Variants in OPHN1 observed in about 807,000 individuals in gnomAD.
OPHN1 encodes oligophrenin-1.
A neutral mutation model predicts 60.7 loss-of-function variants in OPHN1; 11 were observed. The observed-to-expected ratio is 0.18, with a 90% CI of 0.11 to 0.30. OPHN1 has a LOEUF of 0.30. Ranked by LOEUF, OPHN1 falls within the 10% of genes least tolerant of loss-of-function variation. The pLI, the probability that OPHN1 is intolerant of heterozygous loss-of-function variation, is 1.00. For synonymous variants in OPHN1, 226 were observed against 222.6 expected (o/e 1.02, Z -0.14); for missense variants, 449 against 611.0 (o/e 0.73, Z 2.80).
At chrX:68,267,657 A>G (rs761204868) in intron 5 of OPHN1, among the ~76,000 whole-genome samples, 1 of 112,443 alleles carries the variant, frequency 8.9e-6, no homozygotes, top group East Asian at 2.8e-4. Flanking sequence ...AAGCCAGCAG[A>G]AGGCAACAAA....
chrX:68,259,830 C>T (rs934806918), intron 5 of OPHN1, among the ~76,000 whole-genome samples: 5 of 111,084 alleles, frequency 4.5e-5, no homozygotes, highest in Non-Finnish European at 9.4e-5. Context: ...TAGGGAAATT[C>T]ACCTATGAGA....
intron 15 of OPHN1, among the ~76,000 whole-genome samples, chrX:68,156,846 C>A (rs1401519812): frequency 1.8e-5 from 2 of 111,325 alleles, no homozygotes; most frequent in Non-Finnish European, 3.8e-5. Flanking sequence ...GATGTAATTT[C>A]ATTTGTAGAC....
chrX:68,356,048 CAA>C (rs530885182), intron 2 of OPHN1, among the ~76,000 whole-genome samples: 3 of 90,792 alleles, frequency 3.3e-5, no homozygotes, highest in African/African-American at 8.1e-5. Context: ...AGACTTCTTC[CAA>C]AAAAAAAAAA....
At chrX:68,212,050 G>A (rs2077586963) in intron 8 of OPHN1, 58 bp downstream of exon 8, 1 of 854,495 alleles carries the variant, frequency 1.2e-6, no homozygotes, top group East Asian at 3.3e-5. Flanking sequence ...AAGGTCGCTA[G>A]GGCTGAAATT....
chrX:68,318,968 A>G (rs1477727327), intron 2 of OPHN1, among the ~76,000 whole-genome samples: 1 of 111,881 alleles, frequency 8.9e-6, no homozygotes, highest in Non-Finnish European at 1.9e-5. Context: ...ACTGTCATAC[A>G]TCATACCACA....
At chrX:68,209,992 CTTT>C (rs57516402) in intron 9 of OPHN1, 158 bp downstream of exon 9, 993 of 427,472 alleles carry the variant, frequency 2.3e-3, no homozygotes, top group East Asian at 2.8e-3. Context: ...TCAGTTTCTC[CTTT>C]TTTTTTTTTT....
intron 5 of OPHN1, among the ~76,000 whole-genome samples, chrX:68,249,933 T>A (rs754191557): frequency 8.9e-6 from 1 of 112,075 alleles, no homozygotes; most frequent in South Asian, 3.7e-4. Flanking sequence ...ACGAGCATAA[T>A]GAATGAGAAC....
chrX:68,099,324 C>T (rs1045429448), intron 18 of OPHN1, among the ~76,000 whole-genome samples: 4 of 111,484 alleles, frequency 3.6e-5, no homozygotes, highest in African/African-American at 1.3e-4. Flanking sequence ...CTCTCTAGTC[C>T]ACTGAGGTTG....
chrX:68,275,540 T>G (rs750699959), intron 4 of OPHN1, among the ~76,000 whole-genome samples: 7 of 111,347 alleles, frequency 6.3e-5, no homozygotes, highest in African/African-American at 2.3e-4. Context: ...TGTGCCTCCA[T>G]GGTGAGAGTT....
Position 68,210,160 on chromosome X carries a change from T to C in OPHN1, c.825A>G (p.Gln275=), listed in dbSNP as rs1190145514. 8.3e-7 allele frequency: 1 copy of C among 1,210,171 alleles called. No individual in the cohort carries two copies. The highest frequency in any genetic ancestry group is 1.8e-5 in the South Asian group (1 of 56,871). ...CCCTATGTCCCCACACACATTTCTC[T>C]TGTGTATAGAGATAGCCTTCAATAG... ...QPTIEGYLYT[Q]EKWALGISWV... The change falls in exon 9 of 25, where the codon CAA becomes CAG. Residue 275 remains glutamine (Q), a synonymous_variant. Transcript: ENST00000355520.
chrX:68,416,033 AATATATATAT>A lies in OPHN1; in HGVS notation c.154+16824_154+16833del, dbSNP rs1163304135. Among the ~76,000 whole-genome samples the A allele has an allele frequency of 3.1e-3, 91 of 29,727 alleles. 2 individuals are homozygous for A. The highest frequency in any genetic ancestry group is 7.7e-3 in the African/African-American group (78 of 10,151). 25.8% of individuals were successfully genotyped at this position (29,727 alleles called of 115,157 possible). The stretch of plus-strand genomic sequence containing the variant: ...CCGTCTCAAAAAAAAAAAATTATAT[AATATATATAT>A]ATATATATATATATATATATATATA... On this transcript the variant is annotated intron_variant, in intron 2 of 24. Transcript: ENST00000355520.
intron 15 of OPHN1, among the ~76,000 whole-genome samples, chrX:68,157,401 A>T (rs1359378424): frequency 8.9e-6 from 1 of 112,337 alleles, no homozygotes; most frequent in Non-Finnish European, 1.9e-5. Flanking sequence ...TGCAGCCATA[A>T]AAAGAACAAA....
chrX:68,344,505 A>G (rs7880074), intron 2 of OPHN1, among the ~76,000 whole-genome samples: 27,638 of 108,913 alleles, frequency 0.25, 3,791 homozygotes, highest in African/African-American at 0.52. Flanking sequence ...CCAGCTACTC[A>G]GGAGGCTGAG....
At chrX:68,180,407 GA>G (rs1231722177) in intron 15 of OPHN1, among the ~76,000 whole-genome samples, 1 of 111,298 alleles carries the variant, frequency 9.0e-6, no homozygotes, top group Non-Finnish European at 1.9e-5. Context: ...TAATGTTTCT[GA>G]AACATATTCA....
intron 5 of OPHN1, among the ~76,000 whole-genome samples, chrX:68,268,374 T>C (rs2077945165): frequency 9.0e-6 from 1 of 111,606 alleles, no homozygotes; most frequent in African/African-American, 3.3e-5. Context: ...CAGCAGCACA[T>C]CAAAAAGCTT....
chrX:68,230,105 A>G (rs1481177023), intron 6 of OPHN1, among the ~76,000 whole-genome samples: 1 of 112,281 alleles, frequency 8.9e-6, no homozygotes, highest in Admixed American at 9.5e-5. Context: ...TGGGCAAAGA[A>G]TATGAACAGA....
chrX:68,378,331 G>A (rs1232480824), intron 2 of OPHN1, among the ~76,000 whole-genome samples: 2 of 111,596 alleles, frequency 1.8e-5, no homozygotes, highest in African/African-American at 3.3e-5. Context: ...CTGGATATCA[G>A]CCCTTTGTCA....
At position 68,238,408 on chromosome X, in the gene OPHN1, CT is replaced by C. The variant is rs60720599; in HGVS notation, c.385-3821del. Among the ~76,000 whole-genome samples, 285 of 101,330 alleles carry C rather than the reference CT, an allele frequency of 2.8e-3. 2 individuals carry two copies. The highest frequency in any genetic ancestry group is 7.6e-3 in the African/African-American group (213 of 28,209). 88.0% of individuals were successfully genotyped at this position (101,330 alleles called of 115,157 possible). ...GTAGAGAAAATCTCCCTTCTTTTGTCTTTTTTTTTTTAAGGTTAACTTAGCT... is the reference window on the plus strand; with the variant it reads ...GTAGAGAAAATCTCCCTTCTTTTGTCTTTTTTTTTTAAGGTTAACTTAGCT... On this transcript the variant is annotated intron_variant, in intron 5 of 24. Coordinates refer to ENST00000355520, the MANE Select transcript of OPHN1 (RefSeq NM_002547.3).
At chrX:68,083,035 A>T (rs1209565115) in intron 19 of OPHN1, among the ~76,000 whole-genome samples, 5 of 102,784 alleles carry the variant, frequency 4.9e-5, no homozygotes, top group Admixed American at 1.1e-4. Context: ...AAACATCATG[A>T]ACCAACCTCT....
Sources: gnomAD v4.1 joint callset for allele counts (sites outside exome capture counted in the v4.1 genomes callset) on GRCh38, gnomAD v4.1.1 for gene constraint, MANE v1.5 for transcripts, NCBI Gene and HGNC (gene_info 2026-07-23, HGNC 2026-07-21) for gene names.